C8orf34: variants seen among roughly 807,000 people sequenced by gnomAD.
The protein encoded by C8orf34 is chromosome 8 open reading frame 34.
In C8orf34, 65 loss-of-function variants were observed where a neutral mutation model predicts 68.3. The observed-to-expected ratio is 0.95, with a 90% CI of 0.78 to 1.17. The LOEUF (loss-of-function observed/expected upper bound fraction) is 1.17. Among genes scored for constraint, C8orf34 ranks in the 50% most tolerant of loss-of-function variants. The pLI is 0.00. For synonymous variants in C8orf34, 244 were observed against 241.2 expected, an observed-to-expected ratio of 1.01 and a Z score of -0.11; for missense variants, 664 against 655.4, an observed-to-expected ratio of 1.01 and a Z score of -0.14.
At chr8:68,816,823 G>A (rs774364403) in intron 13 of C8orf34, among the ~76,000 whole-genome samples, 4 of 152,054 alleles carry the variant, frequency 2.6e-5, no homozygotes, top group Non-Finnish European at 5.9e-5. Flanking sequence ...AACACGGAAA[G>A]CATGTAAAAA....
At chr8:68,765,674 T>C (rs1413051451) in intron 10 of C8orf34, among the ~76,000 whole-genome samples, 3 of 152,236 alleles carry the variant, frequency 2.0e-5, no homozygotes, top group Middle Eastern at 3.2e-3. Flanking sequence ...CTAGTGACGC[T>C]GTTAATGGTA....
intron 7 of C8orf34, among the ~76,000 whole-genome samples, chr8:68,619,649 A>G (rs1316425815): frequency 6.6e-6 from 1 of 152,154 alleles, no homozygotes; most frequent in Admixed American, 6.5e-5. Flanking sequence ...TTATGTTTCA[A>G]AGCTAACTTC....
At chr8:68,646,763 C>T (rs557188223) in intron 8 of C8orf34, among the ~76,000 whole-genome samples, 1 of 152,210 alleles carries the variant, frequency 6.6e-6, no homozygotes, top group African/African-American at 2.4e-5. Context: ...GCATAATATC[C>T]TCCAGGTTCA....
intron 1 of C8orf34, among the ~76,000 whole-genome samples, chr8:68,409,217 T>C (rs1025774434): frequency 6.6e-6 from 1 of 152,218 alleles, no homozygotes; most frequent in Non-Finnish European, 1.5e-5. Flanking sequence ...TAGAGTGTAC[T>C]TTTACTTATT....
intron 10 of C8orf34, among the ~76,000 whole-genome samples, chr8:68,770,786 A>C (rs4299986): frequency 0.3 from 45,645 of 152,068 alleles, 7,405 homozygotes; most frequent in African/African-American, 0.41. Context: ...GTTAAATTTT[A>C]GTCATTAGTC....
intron 5 of C8orf34, among the ~76,000 whole-genome samples, chr8:68,505,439 T>A (rs892445329): frequency 7.1e-6 from 1 of 140,872 alleles, no homozygotes; most frequent in Non-Finnish European, 1.5e-5. Flanking sequence ...ACTGAAAGAA[T>A]GAGCAACATG....
intron 1 of C8orf34, among the ~76,000 whole-genome samples, chr8:68,333,273 G>A (rs938762101): frequency 2.0e-5 from 3 of 152,152 alleles, no homozygotes; most frequent in Non-Finnish European, 4.4e-5. Context: ...ATAGCAACGT[G>A]TCTCATAAAA....
intron 1 of C8orf34, among the ~76,000 whole-genome samples, chr8:68,342,588 G>A (rs866321210): frequency 2.8e-4 from 43 of 152,282 alleles, no homozygotes; most frequent in African/African-American, 8.7e-4. Context: ...CAATTCATAA[G>A]TTTTAAATTG....
intron 1 of C8orf34, among the ~76,000 whole-genome samples, chr8:68,337,117 G>A (rs956770281): frequency 6.6e-6 from 1 of 152,074 alleles, no homozygotes; most frequent in African/African-American, 2.4e-5. Context: ...ACATTAATCA[G>A]TACTAAAATT....
intron 7 of C8orf34, among the ~76,000 whole-genome samples, chr8:68,591,264 G>A (rs967704356): frequency 1.3e-5 from 2 of 152,106 alleles, no homozygotes; most frequent in East Asian, 1.9e-4. Flanking sequence ...CATTAGTAGG[G>A]TAGAGACCAT....
intron 1 of C8orf34, among the ~76,000 whole-genome samples, chr8:68,332,491 C>T (rs915944007): frequency 5.6e-5 from 8 of 141,964 alleles, no homozygotes; most frequent in Non-Finnish European, 1.1e-4. Flanking sequence ...CTGAGAGAGG[C>T]AGAATCGCGG....
chr8:68,776,008 G>C (rs1051184286), intron 10 of C8orf34, among the ~76,000 whole-genome samples: 6 of 152,166 alleles, frequency 3.9e-5, no homozygotes, highest in Non-Finnish European at 8.8e-5. Flanking sequence ...CTGCTGTGGT[G>C]GTGGAGGGAG....
At chr8:68,806,546 TA>T (rs33948664) in intron 12 of C8orf34, among the ~76,000 whole-genome samples, 1,566 of 152,334 alleles carry the variant, frequency 0.01, 22 homozygotes, top group African/African-American at 0.036. Flanking sequence ...ATAATATTTT[TA>T]GTCACCTGTT....
chr8:68,774,048 C>G (rs1655488367), intron 10 of C8orf34, among the ~76,000 whole-genome samples: 1 of 152,114 alleles, frequency 6.6e-6, no homozygotes, highest in Admixed American at 6.5e-5. Context: ...ACTGTTAACC[C>G]TCAAATGTGC....
intron 7 of C8orf34, among the ~76,000 whole-genome samples, chr8:68,636,440 C>T (rs900983892): frequency 2.0e-5 from 3 of 151,840 alleles, no homozygotes; most frequent in African/African-American, 7.3e-5. Context: ...AAAAAATTAG[C>T]CAGGTGTCGT....
intron 12 of C8orf34, chr8:68,792,069 T>G: frequency 6.6e-6 from 1 of 152,180 alleles, no homozygotes; most frequent in Non-Finnish European, 1.5e-5. Flanking sequence ...CTCTCATGTG[T>G]AAATGTAAGA....
At chr8:68,676,036 G>T (rs1421817582) in intron 8 of C8orf34, among the ~76,000 whole-genome samples, 1 of 152,116 alleles carries the variant, frequency 6.6e-6, no homozygotes, top group African/African-American at 2.4e-5. Flanking sequence ...TATAACAATT[G>T]TAAATAAATA....
In C8orf34 at chr8:68,439,630, A is replaced by G. The variant is rs145190607; in HGVS notation, c.459A>G (p.Ala153=). Residue 153 remains alanine, a synonymous_variant, in exon 2 of 14, where the codon GCA becomes GCG. Coordinates refer to ENST00000518698, the MANE Select transcript of C8orf34 (RefSeq NM_052958.4). ...RTLSGSAALW[A]ESEKSESKGT... is the part of the protein sequence containing the mutation. ...TGTCTGGATCTGCAGCTCTATGGGCAGAAAGTGAAAAATCAGGTAAATGAA... is the reference window on the plus strand; with the variant it reads ...TGTCTGGATCTGCAGCTCTATGGGCGGAAAGTGAAAAATCAGGTAAATGAA... 9.6e-5 allele frequency: 154 copies of G among 1,610,644 alleles called. No homozygotes were observed. Among genetic ancestry groups the G allele is most frequent in the Non-Finnish European group, 1.0e-4 (122 of 1,179,064 alleles).
intron 5 of C8orf34, among the ~76,000 whole-genome samples, chr8:68,513,405 T>C (rs188177541): frequency 3.9e-5 from 6 of 152,266 alleles, no homozygotes; most frequent in Non-Finnish European, 7.4e-5. Flanking sequence ...GAAAGGAACT[T>C]ATTCTCTAAG....
Sources: gnomAD v4.1 joint callset for allele counts (sites outside exome capture counted in the v4.1 genomes callset) on GRCh38, gnomAD v4.1.1 for gene constraint, MANE v1.5 for transcripts, NCBI Gene and HGNC (gene_info 2026-07-23, HGNC 2026-07-21) for gene names.